Variants in CRTAP observed in about 807,000 individuals in gnomAD.
The protein encoded by CRTAP is cartilage-associated protein.
Under a neutral mutation model 42.7 loss-of-function variants are expected in CRTAP, and 33 were observed. The observed-to-expected ratio is 0.77, with a 90% CI of 0.59 to 1.03. The LOEUF (loss-of-function observed/expected upper bound fraction) is 1.03. Among genes scored for constraint, CRTAP ranks in the 50% least tolerant of loss-of-function variants. The pLI, the probability that CRTAP is intolerant of heterozygous loss-of-function variation, is 0.00. For missense variants in CRTAP, 613 were observed against 533.9 expected (o/e 1.15, Z -1.46); for synonymous variants, 243 against 217.7 (o/e 1.12, Z -1.02).
intron 3 of CRTAP, among the ~76,000 whole-genome samples, chr3:33,126,417 C>T (rs2030074449): frequency 6.6e-6 from 1 of 152,168 alleles, no homozygotes; most frequent in South Asian, 2.1e-4. Context: ...GACTGTATCC[C>T]CATGTTCCTC....
At chr3:33,123,511 G>A (rs370229931) in intron 2 of CRTAP, among the ~76,000 whole-genome samples, 36 of 152,050 alleles carry the variant, frequency 2.4e-4, no homozygotes, top group African/African-American at 7.0e-4. Flanking sequence ...GCCTTCTGCC[G>A]TGATTGTAAG....
intron 5 of CRTAP, among the ~76,000 whole-genome samples, chr3:33,133,025 C>T (rs139818577): frequency 6.6e-6 from 1 of 151,908 alleles, no homozygotes; most frequent in East Asian, 1.9e-4. Flanking sequence ...TGCTGTGAGC[C>T]GAGATTGCGC....
intron 1 of CRTAP, 35 bp from the exon 2 acceptor site, chr3:33,120,309 C>T (rs761663135): frequency 1.3e-6 from 2 of 1,581,014 alleles, no homozygotes; most frequent in South Asian, 1.1e-5. Flanking sequence ...CACTTAGCAT[C>T]CATGGAGTAG....
At position 33,146,265 on chromosome 3, in the gene CRTAP, T is replaced by C. The variant is rs932508299; in HGVS notation, c.*3817T>C. On this transcript the variant is annotated 3_prime_UTR_variant, in exon 7 of 7. Transcript: ENST00000320954. ...CCAGGCCTGCTCTAAGATGCCTTGCTTGTCCTTTGACCCATCAGCATGGAG... is the reference window on the plus strand; with the variant it reads ...CCAGGCCTGCTCTAAGATGCCTTGCCTGTCCTTTGACCCATCAGCATGGAG... 1 of 152,308 alleles carries C rather than the reference T, an allele frequency of 6.6e-6. No homozygotes were observed. The highest frequency in any genetic ancestry group is 2.4e-5 in the African/African-American group (1 of 41,448). The allele number at this position is 152,308 out of a possible 1,614,324, so 9.4% of individuals were successfully genotyped here.
At position 33,120,489 on chromosome 3, in the gene CRTAP, A is replaced by G. The variant is rs2029868455; in HGVS notation, c.617A>G (p.Tyr206Cys). Residue 206 changes from tyrosine (Y) to cysteine (C), a missense_variant, in exon 2 of 7, where the codon TAT (tyrosine) becomes TGT (cysteine). Transcript: ENST00000320954. ...DYIKDLETKSYESLFIRAVRA... is the reference protein window; with the variant it reads ...DYIKDLETKSCESLFIRAVRA... ...ATTAAAGACCTGGAAACCAAGTCATATGAAGTATGTTTGGATTTTTATGTG... is the reference window on the plus strand; with the variant it reads ...ATTAAAGACCTGGAAACCAAGTCATGTGAAGTATGTTTGGATTTTTATGTG... 6.2e-7 allele frequency: 1 copy of G among 1,609,520 alleles called. No homozygotes were observed. Among genetic ancestry groups the G allele is most frequent in the Non-Finnish European group, 8.5e-7 (1 of 1,177,328 alleles).
At chr3:33,122,120 A>G (rs2029887197) in intron 2 of CRTAP, among the ~76,000 whole-genome samples, 1 of 151,850 alleles carries the variant, frequency 6.6e-6, no homozygotes, top group South Asian at 2.1e-4. Flanking sequence ...TGTTGTTTTC[A>G]TAGGGTTTGG....
At chr3:33,127,439 TTTTATTTATTTA>T (rs143513780) in intron 3 of CRTAP, among the ~76,000 whole-genome samples, 18,158 of 151,620 alleles carry the variant, frequency 0.12, 1,671 homozygotes, top group East Asian at 0.54. Flanking sequence ...ATTGTTATTA[TTTTATTTATTTA>T]TTTATTTATT....
In CRTAP at chr3:33,145,971, G is replaced by A. The variant is rs992005604; in HGVS notation, c.*3523G>A. On this transcript the variant is annotated 3_prime_UTR_variant, in exon 7 of 7. Coordinates refer to ENST00000320954, the MANE Select transcript of CRTAP (RefSeq NM_006371.5). This position sits in a 1 kb window ranked among gnomAD's most constrained non-coding sequence, Gnocchi z 4.3. ...GTCAATATTGTCAGTACTTTGCTTT[G>A]ATTGAAGGCTGTAGAGCTGAGTTAC... is the stretch of plus-strand genomic sequence containing the variant. 1 of 151,916 alleles carries A rather than the reference G, an allele frequency of 6.6e-6. No individual in the cohort carries two copies. Among genetic ancestry groups the A allele is most frequent in the Non-Finnish European group, 1.5e-5 (1 of 67,998 alleles). 9.4% of individuals were successfully genotyped at this position (151,916 alleles called of 1,614,324 possible).
At chr3:33,137,157 T>G (rs936484426) in intron 6 of CRTAP, among the ~76,000 whole-genome samples, 2 of 152,210 alleles carry the variant, frequency 1.3e-5, no homozygotes, top group Non-Finnish European at 2.9e-5. Context: ...CTTTTCTTTT[T>G]GAGACAGAGT....
Position 33,114,055 on chromosome 3 carries a change from CT to C in CRTAP, c.-21del. ...CCCTTTTCCCTTCCTTCGTCCCTTC[CT>C]TCCTTCCTTTCGCCGGGCGCGATGG... On this transcript the variant is annotated 5_prime_UTR_variant, in exon 1 of 7. Coordinates refer to ENST00000320954, the MANE Select transcript of CRTAP (RefSeq NM_006371.5). 6.9e-7 allele frequency: 1 copy of C among 1,449,362 alleles called. No individual in the cohort carries two copies. The allele number at this position is 1,449,362 out of a possible 1,614,324, so 89.8% of individuals were successfully genotyped here.
At chr3:33,137,378 C>T (rs1485345823) in intron 6 of CRTAP, among the ~76,000 whole-genome samples, 2 of 152,060 alleles carry the variant, frequency 1.3e-5, no homozygotes, top group African/African-American at 2.4e-5. Context: ...TGACCTCAGG[C>T]GATCCACCCG....
At chr3:33,133,355 T>C (rs1575518995) in intron 5 of CRTAP, among the ~76,000 whole-genome samples, 1 of 151,038 alleles carries the variant, frequency 6.6e-6, no homozygotes, top group Non-Finnish European at 1.5e-5. Context: ...GCCTCCTGGG[T>C]TCAAGCGATT....
chr3:33,137,891 G>A (rs2030468301), intron 6 of CRTAP, among the ~76,000 whole-genome samples: 1 of 152,150 alleles, frequency 6.6e-6, no homozygotes, highest in Admixed American at 6.5e-5. Context: ...TTAGGAAGAG[G>A]TCTAGTTTCA....
chr3:33,147,098 C>T lies in CRTAP; in HGVS notation c.*4650C>T, dbSNP rs2030742619. 6.6e-6 allele frequency: 1 copy of T among 152,612 alleles called. No homozygotes were observed. The highest frequency in any genetic ancestry group is 1.5e-5 in the Non-Finnish European group (1 of 68,052). 9.5% of individuals were successfully genotyped at this position (152,612 alleles called of 1,614,324 possible). On this transcript the variant is annotated 3_prime_UTR_variant, in exon 7 of 7. Coordinates refer to ENST00000320954, the MANE Select transcript of CRTAP (RefSeq NM_006371.5). ...ACAGTGACTTCTTTTTTTCTGGTGA[C>T]TCCAGGCCTGAATGACCTAGTGTGG...
intron 3 of CRTAP, among the ~76,000 whole-genome samples, chr3:33,129,560 C>T (rs1188593313): frequency 5.4e-5 from 6 of 112,144 alleles, no homozygotes; most frequent in African/African-American, 9.9e-5. Flanking sequence ...TTTTTGGAGA[C>T]GGAGTCTTGC....
At chr3:33,139,232 G>A (rs188846468) in intron 6 of CRTAP, among the ~76,000 whole-genome samples, 20 of 152,190 alleles carry the variant, frequency 1.3e-4, no homozygotes, top group Admixed American at 1.2e-3. Context: ...GAGCTCAGGA[G>A]TGGGAGGGTA....
chr3:33,137,979 C>T (rs1223607899), intron 6 of CRTAP, among the ~76,000 whole-genome samples: 1 of 152,164 alleles, frequency 6.6e-6, no homozygotes, highest in Non-Finnish European at 1.5e-5. Context: ...TGTCTTGGTA[C>T]CCTTTGAAAG....
intron 2 of CRTAP, 137 bp downstream of exon 2, chr3:33,120,630 G>A (rs979577545): frequency 5.9e-6 from 8 of 1,345,900 alleles, no homozygotes; most frequent in Non-Finnish European, 8.2e-6. Context: ...CAATAGAAAT[G>A]ATTGACTTTT....
At position 33,121,193 on chromosome 3, in the gene CRTAP, G is replaced by C. The variant is rs552885572; in HGVS notation, c.621+700G>C. Among the ~76,000 whole-genome samples the C allele has an allele frequency of 5.9e-5, 9 of 152,242 alleles. No homozygotes were observed. The East Asian group carries it at 1.7e-3, about 29-fold the overall frequency. On this transcript the variant is annotated intron_variant, in intron 2 of 6. Transcript: ENST00000320954. The stretch of plus-strand genomic sequence containing the variant: ...GGAGGCCGAGGCGGATGGATCACCT[G>C]AGGTCAGGAGTTTGAGACCAGCCTG...
Sources: gnomAD v4.1 joint callset for allele counts (sites outside exome capture counted in the v4.1 genomes callset) on GRCh38, gnomAD v4.1.1 for gene constraint, Gnocchi (gnomAD v3.1) non-coding constraint, MANE v1.5 for transcripts, NCBI Gene and HGNC (gene_info 2026-07-23, HGNC 2026-07-21) for gene names.